TRIR: variants seen among roughly 807,000 people sequenced by gnomAD.
TRIR encodes the protein telomerase RNA component interacting RNase.
Under a neutral mutation model 18.2 loss-of-function variants are expected in TRIR, and 5 were observed. That is an observed-to-expected ratio of 0.27 (90% CI 0.14 to 0.58). The LOEUF (loss-of-function observed/expected upper bound fraction) is 0.58. TRIR is among the 20% of genes least tolerant of loss of function. TRIR has a pLI of 0.91. For synonymous variants in TRIR, 134 were observed against 114.4 expected (o/e 1.17, Z -1.10); for missense variants, 206 against 252.8 (o/e 0.81, Z 1.25).
In TRIR at chr19:12,734,662, T is replaced by G. The variant is rs981962025; in HGVS notation, c.-5A>C. 3 of 1,502,784 alleles carry G rather than the reference T, an allele frequency of 2.0e-6. No homozygotes were observed. Among genetic ancestry groups the G allele is most frequent in the Admixed American group, 2.2e-5 (1 of 46,168 alleles). The allele number at this position is 1,502,784 out of a possible 1,614,324, so 93.1% of individuals were successfully genotyped here. ...CCGTCTCCCTCGGGCAGCCATTTTG[T>G]CGCCAGGTGCCGCGCAAAGGACTCC... On this transcript the variant is annotated 5_prime_UTR_variant, in exon 1 of 3. Transcript: ENST00000242784. This position sits in a 1 kb window ranked among gnomAD's most constrained non-coding sequence, Gnocchi z 4.1.
intron 1 of TRIR, among the ~76,000 whole-genome samples, chr19:12,733,212 G>A (rs548086304): frequency 6.6e-6 from 1 of 152,094 alleles, no homozygotes; most frequent in Admixed American, 6.5e-5. Context: ...CCCAACCCAC[G>A]CCCATTTTTA....
rs1186248950 is a variant in TRIR, at chr19:12,734,433, C to T, written c.225G>A (p.Glu75=). 6.5e-6 allele frequency: 10 copies of T among 1,529,224 alleles called. No individual in the cohort carries two copies. 94.7% of individuals were successfully genotyped at this position (1,529,224 alleles called of 1,614,324 possible). A position where few individuals can be genotyped will look rare whatever the true frequency, so the allele number is the denominator to read the frequency against. The change falls in exon 1 of 3, where the codon GAG becomes GAA. Residue 75 remains glutamate, a synonymous_variant. Coordinates refer to ENST00000242784, the MANE Select transcript of TRIR (RefSeq NM_024038.4). The surrounding 1 kb of genome is among the most constrained non-coding windows in gnomAD (Gnocchi z 4.1). ...GCTCCTCCTGCCGCTGCCGCTGCTCCTCCTCCATCTTCCGCTTGAACAGCT... is the reference window on the plus strand; with the variant it reads ...GCTCCTCCTGCCGCTGCCGCTGCTCTTCCTCCATCTTCCGCTTGAACAGCT... The part of the protein sequence containing the change: ...FLELFKRKME[E]EQRQRQEEPP...
At position 12,731,196 on chromosome 19, in the gene TRIR, AGTTATCTG is replaced by A. The variant is rs1271694866; in HGVS notation, c.424-136_424-129del. The A allele has an allele frequency of 3.2e-6, 4 of 1,263,668 alleles. No homozygotes were observed. The African/African-American group carries it at 5.9e-5, about 19-fold the overall frequency. The allele number at this position is 1,263,668 out of a possible 1,614,324, so 78.3% of individuals were successfully genotyped here. The stretch of plus-strand genomic sequence containing the variant: ...GTTTGAGCTGAAGATTATAAAGTCA[AGTTATCTG>A]GGGACCCATTGACAGCCCTCCTACC... On this transcript the variant is annotated intron_variant, in intron 2 of 2. Coordinates refer to ENST00000242784, the MANE Select transcript of TRIR (RefSeq NM_024038.4). The surrounding 1 kb of genome is among the most constrained non-coding windows in gnomAD (Gnocchi z 5.1).
Position 12,731,308 on chromosome 19 carries a change from C to T in TRIR, c.423+36G>A. The T allele has an allele frequency of 1.9e-6, 3 of 1,606,896 alleles. No individual in the cohort carries two copies. The highest frequency in any genetic ancestry group is 2.6e-6 in the Non-Finnish European group (3 of 1,174,858). ...GGGCGCAAAAGCTGGAAGGGAAAGGCAATGTGGGTGGACCCCCTGCACCAA... is the reference window on the plus strand; with the variant it reads ...GGGCGCAAAAGCTGGAAGGGAAAGGTAATGTGGGTGGACCCCCTGCACCAA... On this transcript the variant is annotated intron_variant, in intron 2 of 2. Coordinates refer to ENST00000242784, the MANE Select transcript of TRIR (RefSeq NM_024038.4). The surrounding 1 kb of genome is among the most constrained non-coding windows in gnomAD (Gnocchi z 5.1).
chr19:12,732,707 A>G lies in TRIR; in HGVS notation c.346-1286T>C, dbSNP rs1967457131. 2.0e-5 allele frequency among the ~76,000 whole-genome samples: 3 copies of G among 151,614 alleles called. No individual in the cohort carries two copies. In the Admixed American group the frequency reaches 2.0e-4, roughly 10 times the overall value. On this transcript the variant is annotated intron_variant, in intron 1 of 2. Transcript: ENST00000242784. The stretch of plus-strand genomic sequence containing the variant: ...CAGGTTCAAGTGATTCTCCTGCCTC[A>G]GCCTCCCGAGTAGCTGGGATTACAG...
intron 1 of TRIR, among the ~76,000 whole-genome samples, chr19:12,733,458 C>G (rs1171420598): frequency 1.3e-5 from 2 of 152,116 alleles, no homozygotes; most frequent in Non-Finnish European, 2.9e-5. Flanking sequence ...CTGGATTATT[C>G]TTTGTTTGGG....
Position 12,734,290 on chromosome 19 carries a change from C to A in TRIR, c.345+23G>T. On this transcript the variant is annotated intron_variant, in intron 1 of 2. Coordinates refer to ENST00000242784, the MANE Select transcript of TRIR (RefSeq NM_024038.4). The surrounding 1 kb of genome is among the most constrained non-coding windows in gnomAD (Gnocchi z 4.1). ...CTGCCAAGACAGGCCGTGGCGCCCG[C>A]CCCCACCCCCACGGCTCCTTACGAA... 7.2e-7 allele frequency: 1 copy of A among 1,384,184 alleles called. No homozygotes were observed. Among genetic ancestry groups the A allele is most frequent in the Non-Finnish European group, 9.3e-7 (1 of 1,069,974 alleles). 85.7% of individuals were successfully genotyped at this position (1,384,184 alleles called of 1,614,324 possible).
In TRIR at chr19:12,731,548, G is replaced by A; in HGVS notation, c.346-127C>T. 1.0e-6 allele frequency: 1 copy of A among 1,004,594 alleles called. No individual in the cohort carries two copies. The highest frequency in any genetic ancestry group is 1.4e-6 in the Non-Finnish European group (1 of 692,834). 62.2% of individuals were successfully genotyped at this position (1,004,594 alleles called of 1,614,324 possible). A position where few individuals can be genotyped will look rare whatever the true frequency, so the allele number is the denominator to read the frequency against. On this transcript the variant is annotated intron_variant, in intron 1 of 2. Transcript: ENST00000242784. The surrounding 1 kb of genome is among the most constrained non-coding windows in gnomAD (Gnocchi z 5.1). ...CCTGACGCCGCGCCCAGCTCCGCCA[G>A]CCGGCCGACCTGCGCAGCAATCAGA...
At chr19:12,732,139 A>G (rs190947998) in intron 1 of TRIR, among the ~76,000 whole-genome samples, 2,732 of 151,144 alleles carry the variant, frequency 0.018, 80 homozygotes, top group African/African-American at 0.063. Context: ...AAAAAAAAAA[A>G]AAAAGAAAAG....
At chr19:12,733,721 A>G (rs1224258074) in intron 1 of TRIR, among the ~76,000 whole-genome samples, 1 of 152,142 alleles carries the variant, frequency 6.6e-6, no homozygotes, top group Non-Finnish European at 1.5e-5. Flanking sequence ...AGATGCTATG[A>G]TGTCTATTTT....
rs1224722618 is a variant in TRIR, at chr19:12,730,908, T to C, written c.*53A>G. 1 of 1,508,444 alleles carries C rather than the reference T, an allele frequency of 6.6e-7. No homozygotes were observed. The allele number at this position is 1,508,444 out of a possible 1,614,324, so 93.4% of individuals were successfully genotyped here. On this transcript the variant is annotated 3_prime_UTR_variant, in exon 3 of 3. Transcript: ENST00000242784. ...CTGTCGCCGCTGCCGCTGCATTAAATAGTTATGTACATCGCAGAGAGTCCC... is the reference window on the plus strand; with the variant it reads ...CTGTCGCCGCTGCCGCTGCATTAAACAGTTATGTACATCGCAGAGAGTCCC...
chr19:12,733,488 A>C (rs1024289546), intron 1 of TRIR, among the ~76,000 whole-genome samples: 1 of 152,136 alleles, frequency 6.6e-6, no homozygotes, highest in Non-Finnish European at 1.5e-5. Flanking sequence ...GCGCTGCCCC[A>C]CGCATGGTAG....
intron 1 of TRIR, among the ~76,000 whole-genome samples, chr19:12,732,525 C>T (rs902871587): frequency 1.3e-5 from 2 of 152,112 alleles, no homozygotes; most frequent in East Asian, 1.9e-4. Flanking sequence ...GGGCTTCCTG[C>T]GCTCCAGGGG....
At chr19:12,733,288 A>G (rs1404423497) in intron 1 of TRIR, among the ~76,000 whole-genome samples, 2 of 152,124 alleles carry the variant, frequency 1.3e-5, no homozygotes, top group Non-Finnish European at 2.9e-5. Context: ...CTGGATCCAG[A>G]ACTAGAGCCC....
Position 12,731,163 on chromosome 19 carries a change from G to A in TRIR, c.424-95C>T, listed in dbSNP as rs961125706. 21 of 1,297,300 alleles carry A rather than the reference G, an allele frequency of 1.6e-5. No individual in the cohort carries two copies. The highest frequency in any genetic ancestry group is 2.3e-5 in the Non-Finnish European group (21 of 894,344). 80.4% of individuals were successfully genotyped at this position (1,297,300 alleles called of 1,614,324 possible). On this transcript the variant is annotated intron_variant, in intron 2 of 2. Coordinates refer to ENST00000242784, the MANE Select transcript of TRIR (RefSeq NM_024038.4). The surrounding 1 kb of genome is among the most constrained non-coding windows in gnomAD (Gnocchi z 5.1). ...GACCCATTCCCAGTGTCACCCAGAA[G>A]ACTCTGGGTTTGAGCTGAAGATTAT...
At chr19:12,733,659 C>G (rs1967475290) in intron 1 of TRIR, among the ~76,000 whole-genome samples, 1 of 152,162 alleles carries the variant, frequency 6.6e-6, no homozygotes, top group South Asian at 2.1e-4. Flanking sequence ...AAGACAGGCT[C>G]TGTGCTAACC....
Position 12,734,215 on chromosome 19 carries a change from A to G in TRIR, c.345+98T>C. ...GACCCGGACGGGCCCCTCATTCAGA[A>G]CGGAAAGTGGACTTCGGTCCCGATC... On this transcript the variant is annotated intron_variant, in intron 1 of 2. Transcript: ENST00000242784. This position sits in a 1 kb window ranked among gnomAD's most constrained non-coding sequence, Gnocchi z 4.1. The G allele has an allele frequency of 8.3e-7, 1 of 1,210,640 alleles. No individual in the cohort carries two copies. Among genetic ancestry groups the G allele is most frequent in the Non-Finnish European group, 1.1e-6 (1 of 923,306 alleles). The allele number at this position is 1,210,640 out of a possible 1,614,324, so 75.0% of individuals were successfully genotyped here. A position where few individuals can be genotyped will look rare whatever the true frequency, so the allele number is the denominator to read the frequency against.
intron 1 of TRIR, among the ~76,000 whole-genome samples, chr19:12,733,359 C>T (rs1248547813): frequency 1.3e-5 from 2 of 152,206 alleles, no homozygotes; most frequent in African/African-American, 4.8e-5. Flanking sequence ...CTTAACACCA[C>T]AGACATGGCA....
Position 12,734,373 on chromosome 19 carries a change from G to A in TRIR, c.285C>T (p.Ala95=). 1 of 1,477,274 alleles carries A rather than the reference G, an allele frequency of 6.8e-7. No individual in the cohort carries two copies. Among genetic ancestry groups the A allele is most frequent in the Admixed American group, 2.5e-5 (1 of 40,662 alleles). The allele number at this position is 1,477,274 out of a possible 1,614,324, so 91.5% of individuals were successfully genotyped here. A position where few individuals can be genotyped will look rare whatever the true frequency, so the allele number is the denominator to read the frequency against. Residue 95 remains alanine (A), a synonymous_variant, in exon 1 of 3, where the codon GCC becomes GCT. Coordinates refer to ENST00000242784, the MANE Select transcript of TRIR (RefSeq NM_024038.4). This position sits in a 1 kb window ranked among gnomAD's most constrained non-coding sequence, Gnocchi z 4.1. ...PPGPQRPDQS[A]AAAGPGDPKR... is the part of the protein sequence containing the mutation. ...TCGGATCCCCGGGGCCAGCGGCGGC[G>A]GCCGACTGGTCGGGTCGCTGCGGAC... is the stretch of plus-strand genomic sequence containing the variant.
Sources: gnomAD v4.1 joint callset for allele counts (sites outside exome capture counted in the v4.1 genomes callset) on GRCh38, gnomAD v4.1.1 for gene constraint, Gnocchi (gnomAD v3.1) non-coding constraint, MANE v1.5 for transcripts, NCBI Gene and HGNC (gene_info 2026-07-23, HGNC 2026-07-21) for gene names.